SLC30A10: variants seen among roughly 807,000 people sequenced by gnomAD.
SLC30A10 encodes calcium/manganese antiporter SLC30A10.
In SLC30A10, 8 loss-of-function variants were observed where a neutral mutation model predicts 21.7. The ratio of observed to expected loss-of-function variants is 0.37; its 90% CI spans 0.22 to 0.67. SLC30A10 has a LOEUF of 0.67. Ranked by LOEUF, SLC30A10 falls within the 30% of genes least tolerant of loss-of-function variation. The pLI is 0.58. For synonymous variants in SLC30A10, 272 were observed against 279.4 expected, an observed-to-expected ratio of 0.97 and a Z score of 0.26; for missense variants, 521 against 642.5, an observed-to-expected ratio of 0.81 and a Z score of 2.04.
At chr1:219,950,300 C>T (rs758583837) in intron 1 of SLC30A10, among the ~76,000 whole-genome samples, 6 of 152,168 alleles carry the variant, frequency 3.9e-5, no homozygotes, top group African/African-American at 1.2e-4. Flanking sequence ...TACAAAATGC[C>T]ATCTTGAGCA....
chr1:219,950,414 T>C (rs1161800274), intron 1 of SLC30A10, among the ~76,000 whole-genome samples: 54 of 152,066 alleles, frequency 3.6e-4, no homozygotes, highest in African/African-American at 1.3e-3. Context: ...CCGAGGTGGG[T>C]GGATCACGAA....
upstream of SLC30A10, among the ~76,000 whole-genome samples, chr1:219,930,575 A>G (rs1320034702): frequency 2.0e-5 from 3 of 152,222 alleles, no homozygotes; most frequent in Non-Finnish European, 2.9e-5. Context: ...TCTGAGGTCC[A>G]TAACAGCCAT....
rs530086886 is a variant in SLC30A10 at position 219,912,302 on chromosome 1, G to A, written c.*3147C>T. ...AATTTTATTTTCTGTCAACAATGGA[G>A]CCTGTGGGTATTCATAATGGCCCAA... On this transcript the variant is annotated 3_prime_UTR_variant, in exon 4 of 4. Transcript: ENST00000366926. Among the ~76,000 whole-genome samples, 4 of 151,774 alleles carry A rather than the reference G, an allele frequency of 2.6e-5. No homozygotes were observed. In the South Asian group the frequency reaches 8.3e-4, roughly 32 times the overall value.
intron 1 of SLC30A10, 63 bp from the exon 2 acceptor site, chr1:219,927,168 A>G (rs758212721): frequency 1.3e-6 from 2 of 1,533,998 alleles, no homozygotes; most frequent in Admixed American, 1.7e-5. Flanking sequence ...AAAAAAACCA[A>G]TGGACTCAAA....
Position 219,915,098 on chromosome 1 carries a change from C to A in SLC30A10, c.*351G>T, listed in dbSNP as rs1055851947. On this transcript the variant is annotated 3_prime_UTR_variant, in exon 4 of 4. Transcript: ENST00000366926. ...CTGAGCATTAGCTAGAAGTTCTAAT[C>A]AGTTTAGAAACAAGAACTTCTTTGA... The A allele has an allele frequency of 9.0e-6, 2 of 221,210 alleles. No individual in the cohort carries two copies. Among genetic ancestry groups the A allele is most frequent in the Non-Finnish European group, 1.8e-5 (2 of 111,252 alleles). The allele number at this position is 221,210 out of a possible 1,614,324, so 13.7% of individuals were successfully genotyped here.
chr1:219,932,267 T>C (rs1659979690), upstream of SLC30A10, among the ~76,000 whole-genome samples: 1 of 152,170 alleles, frequency 6.6e-6, no homozygotes, highest in Non-Finnish European at 1.5e-5. Context: ...CGTGAGCCAC[T>C]GCTCCTGGCC....
chr1:219,943,822 AGGCGCGGT>A (rs1386048476), intron 1 of SLC30A10, among the ~76,000 whole-genome samples: 1 of 152,208 alleles, frequency 6.6e-6, no homozygotes, highest in Non-Finnish European at 1.5e-5. Flanking sequence ...ATGGGAGGCC[AGGCGCGGT>A]GGCTCACACC....
rs34795490 is a variant in SLC30A10, at chr1:219,942,584, GTAA to G, written n.81-15482_81-15480del. ...TGCAGTCTAAAGTCATGCTACGTAT[GTAA>G]TAATAATAACTCAGGCAAACAATTT... On this transcript the variant is annotated intron_variant and non_coding_transcript_variant, in intron 1 of 8. Coordinates refer to the SLC30A10 transcript ENST00000484239. 9.4e-3 allele frequency among the ~76,000 whole-genome samples: 1,435 copies of G among 152,320 alleles called. 7 individuals are homozygous for G. Among genetic ancestry groups the G allele is most frequent in the Middle Eastern group, 0.061 (18 of 294 alleles).
At chr1:219,927,667 AACAAC>A in intron 1 of SLC30A10, 129 bp downstream of exon 1, 2 of 489,764 alleles carry the variant, frequency 4.1e-6, no homozygotes, top group Non-Finnish European at 2.7e-6. Flanking sequence ...AAAAAAAAAA[AACAAC>A]AACAACAAAA....
At chr1:219,934,286 T>TCA (rs1364925131) in intron 1 of SLC30A10, among the ~76,000 whole-genome samples, 9 of 151,600 alleles carry the variant, frequency 5.9e-5, no homozygotes, top group African/African-American at 1.9e-4. Context: ...AAACTCCGTC[T>TCA]CACACACACA....
At chr1:219,925,970 T>C (rs1468569103) in intron 2 of SLC30A10, among the ~76,000 whole-genome samples, 1 of 152,034 alleles carries the variant, frequency 6.6e-6, no homozygotes, top group African/African-American at 2.4e-5. Context: ...CCAATGTATA[T>C]ATTTTTAAAC....
At chr1:219,932,252 T>C (rs890751608), upstream of SLC30A10, among the ~76,000 whole-genome samples, 1 of 151,914 alleles carries the variant, frequency 6.6e-6, no homozygotes, top group African/African-American at 2.4e-5. Flanking sequence ...TTAGTGGAGA[T>C]GGGGCGTGAG....
intron 2 of SLC30A10, among the ~76,000 whole-genome samples, chr1:219,922,260 G>A (rs1392095098): frequency 1.3e-4 from 15 of 116,682 alleles, no homozygotes; most frequent in Middle Eastern, 6.0e-3. Flanking sequence ...TATGTTACCC[G>A]GGCTGGTCTC....
At position 219,911,394 on chromosome 1, in the gene SLC30A10, C is replaced by T. The variant is rs920546749; in HGVS notation, c.*4055G>A. The stretch of plus-strand genomic sequence containing the variant: ...GAATTAACATCATCAAGTTTAAAAT[C>T]GATCATTTTAAATATGAAGGAGATT... On this transcript the variant is annotated 3_prime_UTR_variant, in exon 4 of 4. Transcript: ENST00000366926. Among the ~76,000 whole-genome samples the T allele has an allele frequency of 1.3e-5, 2 of 151,706 alleles. No homozygotes were observed. Among genetic ancestry groups the T allele is most frequent in the Admixed American group, 1.3e-4 (2 of 15,214 alleles).
chr1:219,921,317 CA>C (rs1659670601), intron 2 of SLC30A10, among the ~76,000 whole-genome samples: 1 of 152,110 alleles, frequency 6.6e-6, no homozygotes, highest in African/African-American at 2.4e-5. Flanking sequence ...CTTCATTTTA[CA>C]AATGAGGAAA....
intron 1 of SLC30A10, among the ~76,000 whole-genome samples, chr1:219,950,165 T>C (rs1660248912): frequency 6.6e-6 from 1 of 152,254 alleles, no homozygotes; most frequent in South Asian, 2.1e-4. Flanking sequence ...TTCATCTGTA[T>C]CTTGGAAATT....
At chr1:219,939,797 T>C (rs1450618087) in intron 1 of SLC30A10, among the ~76,000 whole-genome samples, 1 of 152,090 alleles carries the variant, frequency 6.6e-6, no homozygotes, top group Non-Finnish European at 1.5e-5. Context: ...ATCTGAGGAA[T>C]TGTCCCAGAA....
intron 1 of SLC30A10, among the ~76,000 whole-genome samples, chr1:219,934,148 C>T (rs918147125): frequency 6.6e-6 from 1 of 152,136 alleles, no homozygotes; most frequent in African/African-American, 2.4e-5. Context: ...TTTAGCCAGG[C>T]GTGGTGGTGG....
intron 1 of SLC30A10, among the ~76,000 whole-genome samples, chr1:219,954,505 C>T (rs1370006807): frequency 6.6e-6 from 1 of 151,754 alleles, no homozygotes; most frequent in Non-Finnish European, 1.5e-5. Context: ...CATGGTGACA[C>T]CCCATTTCTA....
Sources: allele counts gnomAD v4.1 joint callset (sites outside exome capture counted in the v4.1 genomes callset), GRCh38; gene constraint gnomAD v4.1.1; transcripts MANE v1.5; gene names NCBI Gene and HGNC (gene_info 2026-07-23, HGNC 2026-07-21).